Variants in PHKB observed in about 807,000 individuals in gnomAD.
The protein encoded by PHKB is phosphorylase b kinase regulatory subunit beta.
PHKB carries 122 observed loss-of-function variants against 152.1 expected under a neutral mutation model. That is an observed-to-expected ratio of 0.80 (90% CI 0.69 to 0.93). PHKB has a LOEUF of 0.93. PHKB is among the 40% of genes least tolerant of loss of function. The pLI, the probability that PHKB is intolerant of heterozygous loss-of-function variation, is 0.00. For missense variants in PHKB, 1,304 were observed against 1,328.4 expected, an observed-to-expected ratio of 0.98 and a Z score of 0.29; for synonymous variants, 436 against 464.9, an observed-to-expected ratio of 0.94 and a Z score of 0.80.
intron 2 of PHKB, among the ~76,000 whole-genome samples, chr16:47,498,504 CGTCTCTACTAAAAATACAAA>C (rs1033635540): frequency 2.0e-5 from 3 of 152,056 alleles, no homozygotes; most frequent in African/African-American, 7.2e-5. Context: ...GGAGAAACCC[CGTCTCTACTAAAAATACAAA>C]AATCAGCCAT....
chr16:47,471,107 G>A (rs756271943), intron 1 of PHKB, among the ~76,000 whole-genome samples: 32 of 152,174 alleles, frequency 2.1e-4, no homozygotes, highest in Non-Finnish European at 4.4e-4. Context: ...GTCTCCTGCA[G>A]GGTTGAAGTA....
chr16:47,593,353 T>A, intron 10 of PHKB, 147 bp from the exon 11 acceptor site: 1 of 575,410 alleles, frequency 1.7e-6, no homozygotes, highest in Non-Finnish European at 3.1e-6. Context: ...GGAAAAAGGA[T>A]CCCTTGAGCC....
Position 47,499,673 on chromosome 16 carries a change from G to T in PHKB, c.167-83G>T, listed in dbSNP as rs1186511623. The T allele has an allele frequency of 5.2e-6, 8 of 1,536,220 alleles. No individual in the cohort carries two copies. The East Asian group carries it at 1.1e-4, about 22-fold the overall frequency. On this transcript the variant is annotated intron_variant, in intron 2 of 30. Coordinates refer to ENST00000323584, the MANE Select transcript of PHKB (RefSeq NM_000293.3). Reference sequence around the variant, plus strand: ...AACAAAATCGTCAGAAGTGGGATGAGGAAACCAAAGAAGATTAAAACATTT... The same window carrying T: ...AACAAAATCGTCAGAAGTGGGATGATGAAACCAAAGAAGATTAAAACATTT...
intron 14 of PHKB, among the ~76,000 whole-genome samples, chr16:47,616,508 TAAATATAAATATATATTTATA>T (rs1972517958): frequency 6.8e-6 from 1 of 146,212 alleles, no homozygotes; most frequent in African/African-American, 2.5e-5. Context: ...TATTTATATG[TAAATATAAATATATATTTATA>T]ATATATAAAT....
chr16:47,571,213 T>G (rs1424474430), intron 7 of PHKB, among the ~76,000 whole-genome samples: 1 of 152,150 alleles, frequency 6.6e-6, no homozygotes, highest in African/African-American at 2.4e-5. Context: ...TGTACTACTC[T>G]CCTCCCCAAG....
At chr16:47,662,835 A>G (rs1443935879) in intron 23 of PHKB, among the ~76,000 whole-genome samples, 1 of 152,160 alleles carries the variant, frequency 6.6e-6, no homozygotes, top group Non-Finnish European at 1.5e-5. Context: ...CAAACATTTC[A>G]TTAGAAACCT....
intron 5 of PHKB, among the ~76,000 whole-genome samples, chr16:47,512,242 C>T (rs1479654461): frequency 6.6e-6 from 1 of 152,168 alleles, no homozygotes; most frequent in Non-Finnish European, 1.5e-5. Context: ...AGAATCAACT[C>T]TGAAACAGAG....
At chr16:47,494,239 T>G (rs1970196616) in intron 1 of PHKB, among the ~76,000 whole-genome samples, 1 of 152,208 alleles carries the variant, frequency 6.6e-6, no homozygotes, top group African/African-American at 2.4e-5. Context: ...TGTGATTCAT[T>G]ATAGAGTATT....
intron 6 of PHKB, among the ~76,000 whole-genome samples, chr16:47,528,260 G>T (rs2151659817): frequency 6.6e-6 from 1 of 151,954 alleles, no homozygotes; most frequent in Non-Finnish European, 1.5e-5. Context: ...GATTTTTTTT[G>T]CCCCTTGCTC....
At chr16:47,545,482 C>T (rs1971144188) in intron 6 of PHKB, among the ~76,000 whole-genome samples, 1 of 152,180 alleles carries the variant, frequency 6.6e-6, no homozygotes, top group South Asian at 2.1e-4. Context: ...TGATGGGCTT[C>T]CCTTTGTGGG....
At chr16:47,652,306 G>A (rs1973251465) in intron 20 of PHKB, among the ~76,000 whole-genome samples, 1 of 150,756 alleles carries the variant, frequency 6.6e-6, no homozygotes, top group African/African-American at 2.4e-5. Context: ...GGTGTGAGCG[G>A]TCCCATCATC....
At chr16:47,591,841 C>T (rs1207963224) in intron 10 of PHKB, among the ~76,000 whole-genome samples, 3 of 152,160 alleles carry the variant, frequency 2.0e-5, no homozygotes, top group East Asian at 3.9e-4. Flanking sequence ...CCTTCTCACC[C>T]ATCTACCTTT....
At chr16:47,653,054 A>G (rs1240189138) in intron 20 of PHKB, among the ~76,000 whole-genome samples, 1 of 151,754 alleles carries the variant, frequency 6.6e-6, no homozygotes, top group African/African-American at 2.4e-5. Flanking sequence ...ATTCACTTAT[A>G]AGGTGATCTG....
At chr16:47,679,806 G>T (rs911789558) in intron 26 of PHKB, among the ~76,000 whole-genome samples, 2 of 152,176 alleles carry the variant, frequency 1.3e-5, no homozygotes, top group African/African-American at 4.8e-5. Context: ...CCAACACTAT[G>T]TTGAATATTA....
intron 1 of PHKB, among the ~76,000 whole-genome samples, chr16:47,492,623 C>T (rs1197419278): frequency 6.6e-6 from 1 of 152,068 alleles, no homozygotes; most frequent in East Asian, 1.9e-4. Context: ...CGCACCCCAG[C>T]CTTGGCAGGG....
intron 7 of PHKB, among the ~76,000 whole-genome samples, chr16:47,579,403 G>A (rs895144662): frequency 6.6e-6 from 1 of 152,100 alleles, no homozygotes; most frequent in Non-Finnish European, 1.5e-5. Context: ...GAAGAAATGG[G>A]AACTAGCATT....
intron 7 of PHKB, chr16:47,562,201 A>C (rs1279789071): frequency 1.3e-5 from 2 of 152,252 alleles, no homozygotes; most frequent in African/African-American, 4.8e-5. Flanking sequence ...GTGCCCAATG[A>C]GTGGACATGG....
intron 6 of PHKB, among the ~76,000 whole-genome samples, chr16:47,519,351 C>T (rs1970648065): frequency 6.6e-6 from 1 of 152,182 alleles, no homozygotes; most frequent in Admixed American, 6.5e-5. Flanking sequence ...TATTATTTCA[C>T]AGCCCATGGG....
chr16:47,522,750 C>G (rs1289520718), intron 6 of PHKB, among the ~76,000 whole-genome samples: 2 of 151,788 alleles, frequency 1.3e-5, no homozygotes, highest in Non-Finnish European at 2.9e-5. Flanking sequence ...ATTCATTCAT[C>G]TCAATGTGTT....
Sources: gnomAD v4.1 joint callset for allele counts (sites outside exome capture counted in the v4.1 genomes callset) on GRCh38, gnomAD v4.1.1 for gene constraint, MANE v1.5 for transcripts, NCBI Gene and HGNC (gene_info 2026-07-23, HGNC 2026-07-21) for gene names.